Variants in INTS1 observed in about 807,000 individuals in gnomAD.
INTS1 encodes integrator complex subunit 1.
Under a neutral mutation model 241.6 loss-of-function variants are expected in INTS1, and 137 were observed. The ratio of observed to expected loss-of-function variants is 0.57; its 90% CI spans 0.49 to 0.65. The LOEUF is 0.65. INTS1 is among the 30% of genes least tolerant of loss of function. The probability of loss-of-function intolerance (pLI) is 0.00; values close to 1 mark genes in which losing one functional copy is unlikely to be tolerated. For missense variants in INTS1, 3,073 were observed against 3,032.2 expected, an observed-to-expected ratio of 1.01 and a Z score of -0.32; for synonymous variants, 1,692 against 1,337.8, an observed-to-expected ratio of 1.26 and a Z score of -5.78.
At chr7:1,504,150 G>C in intron 1 of INTS1, 149 bp from the exon 2 acceptor site, 2 of 558,670 alleles carry the variant, frequency 3.6e-6, no homozygotes, top group Non-Finnish European at 6.2e-6. Context: ...GAGCTGCAGG[G>C]ACCCCGCCTC....
In INTS1 at chr7:1,476,650, G is replaced by C. The variant is rs1053119847; in HGVS notation, c.5071C>G (p.Pro1691Ala). ...CAGAGGAAGTCCAGAGAGGCAGAGG[G>C]GTCGAACCTGTGGGGAGGCAAAGGT... ...LGKSREQRFD[P>A]SASLDFLWAC... is the part of the protein sequence containing the mutation. The change falls in exon 37 of 48, where the codon CCC (proline) becomes GCC (alanine). Residue 1691 changes from proline to alanine, a missense_variant. By Grantham distance (27) the Pro-to-Ala change is conservative (BLOSUM62 -1). Transcript: ENST00000404767. 6.2e-7 allele frequency: 1 copy of C among 1,612,702 alleles called. No individual in the cohort carries two copies.
Position 1,470,519 on chromosome 7 carries a change from C to T in INTS1, c.*58G>A, listed in dbSNP as rs988531019. ...CGCCCACGCTTCCTGGGCTTTGCCT[C>T]GAGGATCCCCGGGGACGGGACGGGC... is the stretch of plus-strand genomic sequence containing the variant. On this transcript the variant is annotated 3_prime_UTR_variant, in exon 48 of 48. Coordinates refer to ENST00000404767, the MANE Select transcript of INTS1 (RefSeq NM_001080453.3). 1.5e-5 allele frequency: 20 copies of T among 1,349,872 alleles called. No homozygotes were observed. The Admixed American group carries it at 1.7e-4, about 11-fold the overall frequency. 83.6% of individuals were successfully genotyped at this position (1,349,872 alleles called of 1,614,324 possible).
Position 1,493,774 on chromosome 7 carries a change from G to T in INTS1, c.2048C>A (p.Ala683Glu). The T allele has an allele frequency of 1.3e-6, 2 of 1,578,548 alleles. No homozygotes were observed. Among genetic ancestry groups the T allele is most frequent in the Admixed American group, 1.8e-5 (1 of 54,648 alleles). ...CATACCATCCGCCTGCACGGCAGCCGCCCGCTTCACCAGGTGGTCAGCAAG... is the reference window on the plus strand; with the variant it reads ...CATACCATCCGCCTGCACGGCAGCCTCCCGCTTCACCAGGTGGTCAGCAAG... Reference protein sequence around the residue: ...MELADHLVKRAAAVQADDVEV... With the variant: ...MELADHLVKREAAVQADDVEV... The change falls in exon 15 of 48, where the codon GCG becomes GAG. Residue 683 changes from alanine (A) to glutamate (E), a missense_variant. Transcript: ENST00000404767. The surrounding 1 kb of genome is among the most constrained non-coding windows in gnomAD (Gnocchi z 5.3).
At position 1,485,422 on chromosome 7, in the gene INTS1, C is replaced by T; in HGVS notation, c.3024G>A (p.Glu1008=). 1.2e-6 allele frequency: 2 copies of T among 1,611,224 alleles called. No homozygotes were observed. The highest frequency in any genetic ancestry group is 1.7e-6 in the Non-Finnish European group (2 of 1,178,892). Residue 1008 remains glutamate (E), a synonymous_variant, in exon 23 of 48, where the codon GAG becomes GAA. Transcript: ENST00000404767. The part of the protein sequence containing the change: ...LSEGSLRDGE[E]KEPPMEEDVG... ...CATCCTCCTCCATGGGGGGCTCCTTCTCCTCCCCGTCCCGCAGGCTGCCCT... is the reference window on the plus strand; with the variant it reads ...CATCCTCCTCCATGGGGGGCTCCTTTTCCTCCCCGTCCCGCAGGCTGCCCT...
intron 6 of INTS1, 50 bp downstream of exon 6, chr7:1,499,423 C>A: frequency 6.4e-7 from 1 of 1,554,552 alleles, no homozygotes; most frequent in East Asian, 2.3e-5. Flanking sequence ...CACCCCTCCC[C>A]TGCCCTGGGG....
intron 14 of INTS1, 56 bp downstream of exon 14, chr7:1,494,760 A>ACCCCGCAGCCCCGCCCAGCC: frequency 6.6e-7 from 1 of 1,523,864 alleles, no homozygotes; most frequent in Non-Finnish European, 8.8e-7. Flanking sequence ...CCGGCCCGGC[A>ACCCCGCAGCCCCGCCCAGCC]CCCCGCAGCC....
chr7:1,471,743 G>C (rs943047282), intron 44 of INTS1, 102 bp from the exon 45 acceptor site: 4 of 1,083,848 alleles, frequency 3.7e-6, no homozygotes, highest in Admixed American at 3.8e-5. Flanking sequence ...AGCACCACAG[G>C]ACAGAAAGCA....
At chr7:1,482,987 C>T (rs932178544) in intron 26 of INTS1, 22 of 412,036 alleles carry the variant, frequency 5.3e-5, no homozygotes, top group Admixed American at 1.6e-4. Context: ...CCCCTGCCCT[C>T]GGGGCTTTGC....
chr7:1,494,378 A>G, intron 14 of INTS1: 1 of 232,170 alleles, frequency 4.3e-6, no homozygotes, highest in Non-Finnish European at 8.5e-6. Flanking sequence ...GCTGGAGGGG[A>G]GTGTAGACCA....
At chr7:1,486,265 A>G (rs901083408) in intron 22 of INTS1, among the ~76,000 whole-genome samples, 1 of 142,842 alleles carries the variant, frequency 7.0e-6, no homozygotes, top group Non-Finnish European at 1.5e-5. Context: ...TTTTTCATTT[A>G]TTTATTTTTT....
chr7:1,501,007 A>G (rs1203768183), intron 3 of INTS1: 2 of 152,270 alleles, frequency 1.3e-5, no homozygotes, highest in Non-Finnish European at 2.9e-5. Flanking sequence ...ACAAACGGCC[A>G]GGTGCAGTGG....
rs1781792288 is a variant in INTS1, at chr7:1,477,776, C to T, written c.4791G>A (p.Gly1597=). Residue 1597 remains glycine, a synonymous_variant, in exon 34 of 48, where the codon GGG becomes GGA. Coordinates refer to ENST00000404767, the MANE Select transcript of INTS1 (RefSeq NM_001080453.3). ...LLQEEEPLAG[G]KPGADGGSLE... Reference sequence around the variant, plus strand: ...ACCTGCCACCGTCCGCACCCGGCTTCCCCCCAGCCAGGGGCTCCTCCTCCT... The same window carrying T: ...ACCTGCCACCGTCCGCACCCGGCTTTCCCCCAGCCAGGGGCTCCTCCTCCT... 6.2e-7 allele frequency: 1 copy of T among 1,612,402 alleles called. No individual in the cohort carries two copies. Among genetic ancestry groups the T allele is most frequent in the Admixed American group, 1.7e-5 (1 of 59,998 alleles).
At chr7:1,474,508 G>T in intron 40 of INTS1, 148 bp from the exon 41 acceptor site, 3 of 1,140,700 alleles carry the variant, frequency 2.6e-6, no homozygotes, top group Admixed American at 2.8e-5. Context: ...GGATGAGATC[G>T]CCCCTCTCTG....
intron 11 of INTS1, among the ~76,000 whole-genome samples, chr7:1,496,799 C>T (rs921874314): frequency 3.3e-5 from 5 of 152,184 alleles, no homozygotes; most frequent in Admixed American, 1.3e-4. Flanking sequence ...CAGCTCCCTC[C>T]ACAGCCCTCG....
chr7:1,502,756 T>C (rs990964934), intron 3 of INTS1, 145 bp downstream of exon 3: 1 of 893,026 alleles, frequency 1.1e-6, no homozygotes, highest in Non-Finnish European at 1.8e-6. Context: ...TGAGAAGCAC[T>C]TCCAAGAACA....
At chr7:1,503,869 A>ACCCCCCAAGC in intron 2 of INTS1, 34 bp downstream of exon 2, 1 of 1,482,334 alleles carries the variant, frequency 6.7e-7, no homozygotes, top group Non-Finnish European at 9.2e-7. Flanking sequence ...ACCCCCAAAG[A>ACCCCCCAAGC]CCCCCGGGCT....
At position 1,489,575 on chromosome 7, in the gene INTS1, G is replaced by C; in HGVS notation, c.2257+16C>G. The C allele has an allele frequency of 6.4e-7, 1 of 1,561,824 alleles. No homozygotes were observed. Among genetic ancestry groups the C allele is most frequent in the South Asian group, 1.2e-5 (1 of 84,536 alleles). On this transcript the variant is annotated intron_variant, in intron 17 of 47. Transcript: ENST00000404767. ...CAGGGCCACGTGTGCGCATGGGGCG[G>C]CCAGCAGAGGCTCACCGATGTTCTC...
Position 1,470,675 on chromosome 7 carries a change from G to A in INTS1, c.6475C>T (p.Leu2159Phe). Residue 2159 changes from leucine (L) to phenylalanine (F), a missense_variant, in exon 48 of 48, where the codon CTC (leucine) becomes TTC (phenylalanine). Coordinates refer to ENST00000404767, the MANE Select transcript of INTS1 (RefSeq NM_001080453.3). ...LLCQEHAAVLLHRAFLVGMYG... is the reference protein window; with the variant it reads ...LLCQEHAAVLFHRAFLVGMYG... ...ATGCCCACCAGGAAGGCCCGGTGGA[G>A]CAGCACAGCCGCGTGCTCTGTGGGG... 6.4e-7 allele frequency: 1 copy of A among 1,570,558 alleles called. No homozygotes were observed. Among genetic ancestry groups the A allele is most frequent in the Non-Finnish European group, 8.6e-7 (1 of 1,158,836 alleles).
Position 1,494,731 on chromosome 7 carries a change from C to A in INTS1, c.1910+85G>T. ...CATGGGAACAGCCGCCCAACTCCCACTGGCCCTTCCTGCCGCAGCCGGCCC... is the reference window on the plus strand; with the variant it reads ...CATGGGAACAGCCGCCCAACTCCCAATGGCCCTTCCTGCCGCAGCCGGCCC... On this transcript the variant is annotated intron_variant, in intron 14 of 47. Transcript: ENST00000404767. 2.2e-6 allele frequency: 3 copies of A among 1,352,618 alleles called. No homozygotes were observed. The South Asian group carries it at 3.7e-5, about 17-fold the overall frequency. The allele number at this position is 1,352,618 out of a possible 1,614,324, so 83.8% of individuals were successfully genotyped here.
Sources: allele counts gnomAD v4.1 joint callset (sites outside exome capture counted in the v4.1 genomes callset), GRCh38; gene constraint gnomAD v4.1.1; non-coding constraint Gnocchi (gnomAD v3.1); transcripts MANE v1.5; gene names NCBI Gene and HGNC (gene_info 2026-07-23, HGNC 2026-07-21).